Variants in PIK3CB observed in about 807,000 individuals in gnomAD.
PIK3CB encodes phosphatidylinositol-4,5-bisphosphate 3-kinase catalytic subunit beta.
A neutral mutation model predicts 136.8 loss-of-function variants in PIK3CB; 39 were observed. That is an observed-to-expected ratio of 0.29 (90% CI 0.22 to 0.37). The LOEUF is 0.37. Ranked by LOEUF, PIK3CB falls within the 10% of genes least tolerant of loss-of-function variation. The pLI, the probability that PIK3CB is intolerant of heterozygous loss-of-function variation, is 1.00. For synonymous variants in PIK3CB, 428 were observed against 436.6 expected, an observed-to-expected ratio of 0.98 and a Z score of 0.25; for missense variants, 868 against 1,275.4, an observed-to-expected ratio of 0.68 and a Z score of 4.87.
intron 1 of PIK3CB, among the ~76,000 whole-genome samples, chr3:138,801,861 CAAAA>C (rs35232938): frequency 1.7e-5 from 1 of 57,386 alleles, no homozygotes; most frequent in East Asian, 7.0e-4. Flanking sequence ...GACTCCATCT[CAAAA>C]AAAAAAAAAA....
intron 1 of PIK3CB, among the ~76,000 whole-genome samples, chr3:138,830,903 AAATAATAATAATAATAATAAT>A (rs373908245): frequency 1.5e-4 from 21 of 136,974 alleles, no homozygotes; most frequent in African/African-American, 2.4e-4. Context: ...CTCCGTCTCA[AAATAATAATAATAATAATAAT>A]AATAATAATA....
At chr3:138,796,211 C>T (rs1212511708) in intron 2 of PIK3CB, among the ~76,000 whole-genome samples, 3 of 151,774 alleles carry the variant, frequency 2.0e-5, no homozygotes, top group African/African-American at 7.3e-5. Flanking sequence ...GGTGAAACCC[C>T]GTCTCTACTA....
chr3:138,697,792 A>C (rs1054784681), intron 13 of PIK3CB, among the ~76,000 whole-genome samples: 1 of 152,048 alleles, frequency 6.6e-6, no homozygotes, highest in Admixed American at 6.6e-5. Context: ...GGTAGAGTGC[A>C]ATGGCATTTG....
chr3:138,790,806 T>G (rs1256693397), intron 2 of PIK3CB, among the ~76,000 whole-genome samples: 1 of 135,242 alleles, frequency 7.4e-6, no homozygotes, highest in Non-Finnish European at 1.6e-5. Context: ...GGAGTGAGAC[T>G]CCTTCTCAAA....
At chr3:138,659,851 C>T (rs2043258800) in intron 21 of PIK3CB, among the ~76,000 whole-genome samples, 1 of 146,564 alleles carries the variant, frequency 6.8e-6, no homozygotes, top group Non-Finnish European at 1.5e-5. Flanking sequence ...TTAGTAAGTG[C>T]CCTTCTTTCC....
intron 20 of PIK3CB, among the ~76,000 whole-genome samples, chr3:138,664,326 C>CCATGGCTTTG (rs2043362484): frequency 3.9e-5 from 6 of 152,102 alleles, no homozygotes; most frequent in Admixed American, 3.9e-4. Context: ...TTAGAAGAGA[C>CCATGGCTTTG]CATGGCTTTG....
chr3:138,761,679 A>G (rs902869238), intron 2 of PIK3CB, among the ~76,000 whole-genome samples: 2 of 152,136 alleles, frequency 1.3e-5, no homozygotes, highest in Non-Finnish European at 2.9e-5. Flanking sequence ...CTGAGGCACG[A>G]GAATTGCTTG....
At chr3:138,813,646 T>C (rs1933175144) in intron 1 of PIK3CB, among the ~76,000 whole-genome samples, 2 of 152,042 alleles carry the variant, frequency 1.3e-5, no homozygotes, top group African/African-American at 4.8e-5. Flanking sequence ...CTCGATCTCC[T>C]GACCTCGTGA....
chr3:138,723,293 G>A (rs1470968371), intron 8 of PIK3CB, among the ~76,000 whole-genome samples: 3 of 152,184 alleles, frequency 2.0e-5, no homozygotes, highest in Non-Finnish European at 4.4e-5. Flanking sequence ...GCTCACGCCT[G>A]TAATCGCAAC....
intron 8 of PIK3CB, among the ~76,000 whole-genome samples, chr3:138,721,683 C>A (rs2044729380): frequency 6.6e-6 from 1 of 152,128 alleles, no homozygotes; most frequent in Non-Finnish European, 1.5e-5. Context: ...TAAAGATAAA[C>A]CATCAAATGG....
intron 19 of PIK3CB, 87 bp downstream of exon 19, chr3:138,681,880 C>A (rs2108479647): frequency 2.8e-6 from 2 of 718,942 alleles, no homozygotes; most frequent in East Asian, 2.8e-5. Flanking sequence ...AAAATAAGAA[C>A]AAGAGGGAAG....
intron 2 of PIK3CB, among the ~76,000 whole-genome samples, chr3:138,774,821 A>G (rs2045839758): frequency 1.3e-5 from 2 of 152,218 alleles, no homozygotes; most frequent in Admixed American, 1.3e-4. Context: ...CCAGGCTTTG[A>G]ATTCTTTTAG....
At chr3:138,695,853 C>G (rs2044125140) in intron 13 of PIK3CB, among the ~76,000 whole-genome samples, 1 of 151,862 alleles carries the variant, frequency 6.6e-6, no homozygotes, top group African/African-American at 2.4e-5. Flanking sequence ...TTCAAGCCTC[C>G]TCCCAGATTC....
intron 1 of PIK3CB, among the ~76,000 whole-genome samples, chr3:138,815,235 C>T (rs1576429243): frequency 1.4e-5 from 2 of 139,366 alleles, no homozygotes; most frequent in South Asian, 2.2e-4. Flanking sequence ...TGTATTCCTG[C>T]AGTCCCAGCT....
intron 2 of PIK3CB, among the ~76,000 whole-genome samples, chr3:138,785,784 C>G (rs572212539): frequency 2.0e-5 from 3 of 150,980 alleles, no homozygotes; most frequent in Admixed American, 2.0e-4. Context: ...CCTGCCAAAT[C>G]CCCCGCTCCG....
At chr3:138,738,654 C>T (rs927064436) in intron 5 of PIK3CB, among the ~76,000 whole-genome samples, 3 of 152,058 alleles carry the variant, frequency 2.0e-5, no homozygotes, top group Non-Finnish European at 2.9e-5. Context: ...AGTTTGGAAT[C>T]GATATAGCAT....
At chr3:138,687,744 T>G (rs2108497303) in intron 16 of PIK3CB, among the ~76,000 whole-genome samples, 1 of 152,320 alleles carries the variant, frequency 6.6e-6, no homozygotes, top group South Asian at 2.1e-4. Context: ...TGTGAGCCAC[T>G]GCATCTGGCC....
intron 21 of PIK3CB, 106 bp downstream of exon 21, chr3:138,663,800 G>T: frequency 9.2e-7 from 1 of 1,082,400 alleles, no homozygotes. Context: ...ACAAAGATAT[G>T]ACACTAAGAA....
At chr3:138,663,570 C>G (rs542319973) in intron 21 of PIK3CB, among the ~76,000 whole-genome samples, 5 of 151,924 alleles carry the variant, frequency 3.3e-5, no homozygotes, top group African/African-American at 1.2e-4. Context: ...TTAGTAGAGA[C>G]GGGGTTTCGC....
Sources: gnomAD v4.1 joint callset for allele counts (sites outside exome capture counted in the v4.1 genomes callset) on GRCh38, gnomAD v4.1.1 for gene constraint, MANE v1.5 for transcripts, NCBI Gene and HGNC (gene_info 2026-07-23, HGNC 2026-07-21) for gene names.